The following PTPN12 variants were observed in gnomAD, a reference collection of about 807,000 sequenced individuals.
PTPN12 encodes protein tyrosine phosphatase non-receptor type 12.
In PTPN12, 29 loss-of-function variants were observed where a neutral mutation model predicts 97.6. The ratio of observed to expected loss-of-function variants is 0.30; its 90% CI spans 0.22 to 0.41. The LOEUF is 0.41. Ranked by LOEUF, PTPN12 falls within the 10% of genes least tolerant of loss-of-function variation. PTPN12 has a pLI of 1.00. For missense variants in PTPN12, 819 were observed against 926.0 expected (o/e 0.88, Z 1.50); for synonymous variants, 327 against 300.4 (o/e 1.09, Z -0.91).
At chr7:77,598,814 A>G (rs1788100860) in intron 7 of PTPN12, among the ~76,000 whole-genome samples, 1 of 150,746 alleles carries the variant, frequency 6.6e-6, no homozygotes, top group South Asian at 2.1e-4. Flanking sequence ...TGCAAATAAT[A>G]TATATAATAT....
intron 9 of PTPN12, among the ~76,000 whole-genome samples, chr7:77,609,563 C>T (rs1416756092): frequency 6.6e-6 from 1 of 151,702 alleles, no homozygotes; most frequent in East Asian, 2.0e-4. Context: ...AGCCACTGCA[C>T]CCGGCCTAGT....
intron 2 of PTPN12, among the ~76,000 whole-genome samples, chr7:77,579,392 T>TG (rs1489995380): frequency 3.3e-5 from 5 of 152,170 alleles, no homozygotes; most frequent in Admixed American, 2.6e-4. Flanking sequence ...CCCAAAATGC[T>TG]GGGATTACAG....
intron 16 of PTPN12, among the ~76,000 whole-genome samples, chr7:77,637,944 AATT>A (rs543232164): frequency 0.19 from 16,754 of 86,910 alleles, 3,879 homozygotes; most frequent in Non-Finnish European, 0.23. Flanking sequence ...GATTTCTTAA[AATT>A]TTTTTTTTTT....
chr7:77,586,733 T>C (rs1787704563), intron 5 of PTPN12, among the ~76,000 whole-genome samples: 1 of 152,238 alleles, frequency 6.6e-6, no homozygotes, highest in Non-Finnish European at 1.5e-5. Context: ...GAGTCAGTCC[T>C]TTCAAACCCT....
rs562914067 is a variant in PTPN12 at position 77,639,065 on chromosome 7, G to A, written c.2282-154G>A. ...AGTTATTCCAAATAAATTTACAATT[G>A]TTTTGCATTTACCAAGTTTTGTTTG... On this transcript the variant is annotated intron_variant, in intron 17 of 17. Coordinates refer to ENST00000248594, the MANE Select transcript of PTPN12 (RefSeq NM_002835.4). 1.3e-3 allele frequency: 862 copies of A among 675,370 alleles called. 1 individual carries two copies. The highest frequency in any genetic ancestry group is 1.7e-3 in the Non-Finnish European group (741 of 432,572). The allele number at this position is 675,370 out of a possible 1,614,324, so 41.8% of individuals were successfully genotyped here. A position where few individuals can be genotyped will look rare whatever the true frequency, so the allele number is the denominator to read the frequency against.
At chr7:77,591,329 T>C (rs1787861256) in intron 5 of PTPN12, among the ~76,000 whole-genome samples, 1 of 152,220 alleles carries the variant, frequency 6.6e-6, no homozygotes, top group Admixed American at 6.5e-5. Flanking sequence ...TTAGAGACTT[T>C]GATTTTATTG....
At chr7:77,599,770 G>A (rs1332150475) in intron 7 of PTPN12, among the ~76,000 whole-genome samples, 1 of 152,120 alleles carries the variant, frequency 6.6e-6, no homozygotes, top group Non-Finnish European at 1.5e-5. Flanking sequence ...AAGTTATTTA[G>A]GAAATGGCCA....
intron 1 of PTPN12, among the ~76,000 whole-genome samples, chr7:77,562,268 T>C (rs1808036063): frequency 6.6e-6 from 1 of 152,200 alleles, no homozygotes; most frequent in African/African-American, 2.4e-5. Flanking sequence ...TTGGCCAAGC[T>C]GGTCTCAAAC....
At chr7:77,604,291 C>T (rs1300961730) in intron 8 of PTPN12, among the ~76,000 whole-genome samples, 1 of 122,606 alleles carries the variant, frequency 8.2e-6, no homozygotes, top group Non-Finnish European at 1.6e-5. Context: ...TCTTGGCTTG[C>T]TGCAACCTCT....
intron 1 of PTPN12, among the ~76,000 whole-genome samples, chr7:77,558,266 A>G (rs923842994): frequency 2.0e-5 from 3 of 152,050 alleles, no homozygotes; most frequent in Non-Finnish European, 2.9e-5. Flanking sequence ...TGGTAAGGAT[A>G]TAGAAAACTA....
intron 1 of PTPN12, among the ~76,000 whole-genome samples, chr7:77,552,013 C>T (rs1382747236): frequency 6.6e-6 from 1 of 152,196 alleles, no homozygotes; most frequent in African/African-American, 2.4e-5. Flanking sequence ...AATAATTAAA[C>T]ATGTTCAGAT....
At chr7:77,544,948 A>G (rs1412593334) in intron 1 of PTPN12, among the ~76,000 whole-genome samples, 1 of 152,248 alleles carries the variant, frequency 6.6e-6, no homozygotes, top group Non-Finnish European at 1.5e-5. Flanking sequence ...ATGTGCTCAC[A>G]TAACTCGTTG....
At chr7:77,566,328 G>T (rs2151313629) in intron 1 of PTPN12, among the ~76,000 whole-genome samples, 1 of 152,298 alleles carries the variant, frequency 6.6e-6, no homozygotes, top group East Asian at 1.9e-4. Flanking sequence ...ACACATAGGA[G>T]AGTTTTTAAA....
chr7:77,592,329 TGTG>T (rs1403125117), intron 6 of PTPN12, 73 bp downstream of exon 6: 2 of 1,285,738 alleles, frequency 1.6e-6, no homozygotes, highest in African/African-American at 3.0e-5. Context: ...TAAATTATAA[TGTG>T]GTATGAACCC....
At chr7:77,587,959 G>A (rs1388988342) in intron 5 of PTPN12, among the ~76,000 whole-genome samples, 1 of 152,174 alleles carries the variant, frequency 6.6e-6, no homozygotes, top group Non-Finnish European at 1.5e-5. Flanking sequence ...TAGAAATGAA[G>A]GGAGTTAGTG....
intron 3 of PTPN12, 43 bp from the exon 4 acceptor site, chr7:77,583,512 G>T: frequency 8.3e-7 from 1 of 1,207,618 alleles, no homozygotes; most frequent in South Asian, 1.3e-5. Context: ...AAATATTTTT[G>T]GTAATCAAAA....
rs146240018 is a variant in PTPN12 at position 77,584,902 on chromosome 7, G to A, written c.382-641G>A. 2.0e-5 allele frequency among the ~76,000 whole-genome samples: 3 copies of A among 152,026 alleles called. No individual in the cohort carries two copies. In the East Asian group the frequency reaches 5.8e-4, roughly 29 times the overall value. On this transcript the variant is annotated intron_variant, in intron 4 of 17. Transcript: ENST00000248594. ...AAAAAAAAAAAAAAAAATTTATTGT[G>A]TTCTAGATAATAATATGCATGCTGA...
intron 5 of PTPN12, 139 bp from the exon 6 acceptor site, chr7:77,592,046 C>G: frequency 1.4e-6 from 1 of 701,908 alleles, no homozygotes; most frequent in Non-Finnish European, 2.4e-6. Context: ...TCTAAGCTCT[C>G]TCAGCTCCAT....
intron 14 of PTPN12, among the ~76,000 whole-genome samples, chr7:77,635,219 C>T (rs946331103): frequency 1.3e-5 from 2 of 152,090 alleles, no homozygotes; most frequent in Admixed American, 6.6e-5. Flanking sequence ...TTCCATTTGC[C>T]CTAGGAGTTT....
Sources: gnomAD v4.1 joint callset for allele counts (sites outside exome capture counted in the v4.1 genomes callset) on GRCh38, gnomAD v4.1.1 for gene constraint, MANE v1.5 for transcripts, NCBI Gene and HGNC (gene_info 2026-07-23, HGNC 2026-07-21) for gene names.